The following RGS7 variants were observed in gnomAD, a reference collection of about 807,000 sequenced individuals.
RGS7 encodes the protein regulator of G protein signaling 7, also known as regulator of G-protein signaling 7.
RGS7 carries 27 observed loss-of-function variants against 81.1 expected under a neutral mutation model. The ratio of observed to expected loss-of-function variants is 0.33; its 90% CI spans 0.25 to 0.46. The LOEUF (loss-of-function observed/expected upper bound fraction) is 0.46. RGS7 is among the 20% of genes least tolerant of loss of function. The probability of loss-of-function intolerance (pLI) is 1.00; values close to 1 mark genes in which losing one functional copy is unlikely to be tolerated. For synonymous variants in RGS7, 208 were observed against 207.7 expected (o/e 1.00, Z -0.01); for missense variants, 396 against 607.4 (o/e 0.65, Z 3.66).
At chr1:241,340,623 T>C (rs577001870) in intron 2 of RGS7, among the ~76,000 whole-genome samples, 164 of 151,968 alleles carry the variant, frequency 1.1e-3, no homozygotes, top group Non-Finnish European at 2.0e-3. Context: ...TTCATCACTA[T>C]CATCACCCAA....
chr1:241,199,180 A>G (rs2073304433), intron 2 of RGS7, among the ~76,000 whole-genome samples: 1 of 152,062 alleles, frequency 6.6e-6, no homozygotes, highest in African/African-American at 2.4e-5. Context: ...AAAAGACTTT[A>G]TTGGCCGGTC....
At chr1:241,219,585 T>C (rs941290685) in intron 2 of RGS7, among the ~76,000 whole-genome samples, 1 of 152,086 alleles carries the variant, frequency 6.6e-6, no homozygotes, top group Non-Finnish European at 1.5e-5. Flanking sequence ...TCCTTTCAGG[T>C]ATTTACAGGT....
At chr1:241,267,859 T>C (rs989705001) in intron 2 of RGS7, among the ~76,000 whole-genome samples, 1 of 152,224 alleles carries the variant, frequency 6.6e-6, no homozygotes, top group Admixed American at 6.5e-5. Context: ...TTTTGAAGCA[T>C]TCTTTTTTTC....
chr1:241,138,624 G>A (rs1050053237), intron 2 of RGS7, among the ~76,000 whole-genome samples: 49 of 152,270 alleles, frequency 3.2e-4, no homozygotes, highest in African/African-American at 8.7e-4. Context: ...AGGTGATTGC[G>A]TAGCCGGTGC....
chr1:241,281,754 A>C (rs750314430), intron 2 of RGS7, among the ~76,000 whole-genome samples: 2 of 152,198 alleles, frequency 1.3e-5, no homozygotes, highest in Non-Finnish European at 2.9e-5. Context: ...TTACTTTATC[A>C]TAAGAATATA....
intron 2 of RGS7, among the ~76,000 whole-genome samples, chr1:241,218,505 G>A (rs754069970): frequency 6.6e-6 from 1 of 152,206 alleles, no homozygotes; most frequent in Non-Finnish European, 1.5e-5. Flanking sequence ...GGTTCACTCG[G>A]AGAAATGGCT....
intron 2 of RGS7, among the ~76,000 whole-genome samples, chr1:241,155,124 A>G (rs2069022782): frequency 6.6e-6 from 1 of 152,144 alleles, no homozygotes; most frequent in South Asian, 2.1e-4. Flanking sequence ...TCTTTATTTT[A>G]TTTGTTATTT....
intron 3 of RGS7, among the ~76,000 whole-genome samples, chr1:241,003,681 C>T (rs1275739582): frequency 1.3e-5 from 2 of 152,172 alleles, no homozygotes; most frequent in Non-Finnish European, 2.9e-5. Context: ...TCCAAACCCT[C>T]ATGAAGGGGC....
At chr1:241,250,359 G>A (rs2076768888) in intron 2 of RGS7, among the ~76,000 whole-genome samples, 1 of 152,128 alleles carries the variant, frequency 6.6e-6, no homozygotes, top group African/African-American at 2.4e-5. Context: ...GTTCAATTGT[G>A]TAATCGATTC....
chr1:240,784,505 G>C (rs1684709801), intron 18 of RGS7, among the ~76,000 whole-genome samples: 1 of 151,020 alleles, frequency 6.6e-6, no homozygotes, highest in Non-Finnish European at 1.5e-5. Context: ...AATTAGCCGG[G>C]CGTGGTGGCG....
At chr1:241,110,146 C>G (rs1379166970) in intron 2 of RGS7, among the ~76,000 whole-genome samples, 2 of 152,164 alleles carry the variant, frequency 1.3e-5, no homozygotes, top group Non-Finnish European at 2.9e-5. Flanking sequence ...CTAAACTAGT[C>G]TACCTCCAAA....
intron 2 of RGS7, among the ~76,000 whole-genome samples, chr1:241,112,738 A>C (rs1268026613): frequency 3.3e-5 from 5 of 152,226 alleles, no homozygotes; most frequent in Admixed American, 3.3e-4. Context: ...AAACTGTAGA[A>C]GGGCAAAAGG....
chr1:241,151,259 C>T (rs2068728722), intron 2 of RGS7, among the ~76,000 whole-genome samples: 1 of 152,136 alleles, frequency 6.6e-6, no homozygotes, highest in Non-Finnish European at 1.5e-5. Flanking sequence ...TGTGCTATAA[C>T]ATCTATGGAA....
chr1:240,887,950 A>G (rs1380023501), intron 6 of RGS7, among the ~76,000 whole-genome samples: 1 of 152,160 alleles, frequency 6.6e-6, no homozygotes, highest in African/African-American at 2.4e-5. Context: ...TTGCTGGGCC[A>G]CTTGGGGATA....
At chr1:241,065,646 T>G (rs1447951278) in intron 3 of RGS7, among the ~76,000 whole-genome samples, 1 of 152,206 alleles carries the variant, frequency 6.6e-6, no homozygotes, top group Non-Finnish European at 1.5e-5. Flanking sequence ...AAAAAGTGTT[T>G]CTCCTCTCTA....
At chr1:241,068,224 T>TTGTGTGTGCGTGTGTGTGTG (rs2062186169) in intron 3 of RGS7, among the ~76,000 whole-genome samples, 1 of 55,814 alleles carries the variant, frequency 1.8e-5, no homozygotes, top group Admixed American at 2.4e-4. Flanking sequence ...TATCCATAAA[T>TTGTGTGTGCGTGTGTGTGTG]TGTGTGTGTG....
Position 241,071,883 on chromosome 1 carries a change from A to ACAAAAAAAAAC in RGS7, c.175+26782_175+26783insGTTTTTTTTTG, listed in dbSNP as rs2062481252. On this transcript the variant is annotated intron_variant, in intron 3 of 18. Coordinates refer to ENST00000440928, the MANE Select transcript of RGS7 (RefSeq NM_001364886.1). ...CAGAGTGAGACCCTGTCAAAAAAAAAAAAAAAAAAAAACAAGAAAGAAAGA... is the reference window on the plus strand; with the variant it reads ...CAGAGTGAGACCCTGTCAAAAAAAAACAAAAAAAAACAAAAAAAAAAAACAAGAAAGAAAGA... 2.0e-5 allele frequency among the ~76,000 whole-genome samples: 3 copies of ACAAAAAAAAAC among 147,982 alleles called. No individual in the cohort carries two copies. The South Asian group carries it at 6.3e-4, about 31-fold the overall frequency.
At chr1:241,264,058 C>T (rs774078220) in intron 2 of RGS7, among the ~76,000 whole-genome samples, 1 of 152,178 alleles carries the variant, frequency 6.6e-6, no homozygotes, top group Non-Finnish European at 1.5e-5. Context: ...CACCGTGCAC[C>T]ACCCTGACTT....
chr1:241,349,287 A>C (rs2083090746), intron 2 of RGS7, among the ~76,000 whole-genome samples: 1 of 152,142 alleles, frequency 6.6e-6, no homozygotes, highest in African/African-American at 2.4e-5. Flanking sequence ...CTCCATTTCC[A>C]CCCATTGTCT....
Sources: allele counts gnomAD v4.1 joint callset (sites outside exome capture counted in the v4.1 genomes callset), GRCh38; gene constraint gnomAD v4.1.1; transcripts MANE v1.5; gene names NCBI Gene and HGNC (gene_info 2026-07-23, HGNC 2026-07-21).